The following SPEN variants were observed in gnomAD, a reference collection of about 807,000 sequenced individuals.
SPEN encodes spen family transcriptional repressor, also known as msx2-interacting protein.
Under a neutral mutation model 269.9 loss-of-function variants are expected in SPEN, and 18 were observed. That is an observed-to-expected ratio of 0.07 (90% confidence interval 0.05 to 0.10). SPEN has a LOEUF of 0.10. Ranked by LOEUF, SPEN falls within the 10% of genes least tolerant of loss-of-function variation. The probability of loss-of-function intolerance (pLI) is 1.00; values close to 1 mark genes in which losing one functional copy is unlikely to be tolerated. For synonymous variants in SPEN, 1,726 were observed against 1,765.7 expected (o/e 0.98, Z 0.56); for missense variants, 3,822 against 4,631.2 (o/e 0.83, Z 5.07).
At chr1:15,898,171 C>G (rs894824805) in intron 3 of SPEN, among the ~76,000 whole-genome samples, 3 of 119,232 alleles carry the variant, frequency 2.5e-5, no homozygotes, top group Non-Finnish European at 5.1e-5. Context: ...CTTAATTTAT[C>G]TTTGTGTGTG....
chr1:15,930,423 G>T lies in SPEN; in HGVS notation c.4183G>T (p.Ala1395Ser), dbSNP rs1172280900. The T allele has an allele frequency of 1.2e-6, 2 of 1,614,134 alleles. No homozygotes were observed. The highest frequency in any genetic ancestry group is 4.5e-5 in the East Asian group (2 of 44,884). Residue 1395 changes from alanine (A) to serine (S), a missense_variant, in exon 11 of 15, where the codon GCC becomes TCC. Around this residue, in one of 16 missense-constraint regions of SPEN, gnomAD observed 267 missense variants for 315.5 expected, o/e 0.85. Transcript: ENST00000375759. The surrounding 1 kb of genome is among the most constrained non-coding windows in gnomAD (Gnocchi z 5.3). ...DGEHKSHSPRASALYESSRLS... is the reference protein window; with the variant it reads ...DGEHKSHSPRSSALYESSRLS... ...TGAACACAAATCCCACTCACCCAGA[G>T]CCTCTGCATTATATGAAAGTTCTCG...
intron 3 of SPEN, among the ~76,000 whole-genome samples, chr1:15,891,007 G>C (rs1448373085): frequency 6.6e-6 from 1 of 152,092 alleles, no homozygotes; most frequent in South Asian, 2.1e-4. Context: ...CTGCAGTACT[G>C]GATATCCTAG....
intron 1 of SPEN, among the ~76,000 whole-genome samples, chr1:15,856,021 TTC>T (rs1437486383): frequency 7.2e-6 from 1 of 138,606 alleles, no homozygotes; most frequent in African/African-American, 2.8e-5. Context: ...GAGACGGAGT[TTC>T]TCTCTCTTGC....
At chr1:15,894,580 C>T (rs1216827235) in intron 3 of SPEN, among the ~76,000 whole-genome samples, 2 of 111,560 alleles carry the variant, frequency 1.8e-5, no homozygotes, top group East Asian at 3.0e-4. Flanking sequence ...CTCGCTCTTT[C>T]GCCAGGCTGG....
intron 3 of SPEN, among the ~76,000 whole-genome samples, chr1:15,888,208 A>G (rs1406398696): frequency 6.6e-6 from 1 of 150,416 alleles, no homozygotes; most frequent in African/African-American, 2.4e-5. Flanking sequence ...TCCTGGGTTC[A>G]AGCGATTCTC....
In SPEN at chr1:15,848,130, G is replaced by C; in HGVS notation, c.63G>C (p.Lys21Asn). 6.7e-7 allele frequency: 1 copy of C among 1,498,308 alleles called. No individual in the cohort carries two copies. The highest frequency in any genetic ancestry group is 2.8e-5 in the East Asian group (1 of 36,016). The allele number at this position is 1,498,308 out of a possible 1,614,324, so 92.8% of individuals were successfully genotyped here. A position where few individuals can be genotyped will look rare whatever the true frequency, so the allele number is the denominator to read the frequency against. ...GNLPENVREE[K>N]IIEHFKRYGR... is the part of the protein sequence containing the mutation. ...TACCCGAGAACGTGCGGGAAGAGAA[G>C]ATCATCGAGCATTTCAAACGGTGAG... Residue 21 changes from lysine (K) to asparagine (N), a missense_variant, in exon 1 of 15, where the codon AAG (lysine) becomes AAC (asparagine). Lys to Asn is a moderately conservative substitution (Grantham distance 94). This residue lies in a region of SPEN where 51 missense variants were observed against 56.1 expected (regional missense o/e 0.91). Transcript: ENST00000375759. This position sits in a 1 kb window ranked among gnomAD's most constrained non-coding sequence, Gnocchi z 5.1.
chr1:15,932,399 C>A lies in SPEN; in HGVS notation c.6159C>A (p.Asn2053Lys), dbSNP rs779191752. 69 of 1,613,960 alleles carry A rather than the reference C, an allele frequency of 4.3e-5. No homozygotes were observed. In the South Asian group the frequency reaches 6.4e-4, roughly 15 times the overall value. The change falls in exon 11 of 15, where the codon AAC (asparagine) becomes AAA (lysine). Residue 2053 changes from asparagine (N) to lysine (K), a missense_variant. Asn to Lys is a moderately conservative substitution (Grantham distance 94, BLOSUM62 0). This residue lies in a region of SPEN where 727 missense variants were observed against 737.9 expected (regional missense o/e 0.99). Coordinates refer to ENST00000375759, the MANE Select transcript of SPEN (RefSeq NM_015001.3). This position sits in a 1 kb window ranked among gnomAD's most constrained non-coding sequence, Gnocchi z 4.2. Reference sequence around the variant, plus strand: ...GAAAAGATGCTGGCACAGACAAAAACCCCCCTGAAACCGCCCCTGTTGAAG... The same window carrying A: ...GAAAAGATGCTGGCACAGACAAAAAACCCCCTGAAACCGCCCCTGTTGAAG... ...RDRKDAGTDKNPPETAPVEVV... is the reference protein window; with the variant it reads ...RDRKDAGTDKKPPETAPVEVV...
Position 15,930,146 on chromosome 1 carries a change from C to T in SPEN, c.3906C>T (p.Val1302=), listed in dbSNP as rs766811526. ...TCCTCCCCTATTCTAACATAACAGT[C>T]AGGGAAGAGTCTTTAAAATTTAATC... The part of the protein sequence containing the change: ...EKVLPYSNIT[V]REESLKFNPY... Residue 1302 remains valine, a synonymous_variant, in exon 11 of 15, where the codon GTC becomes GTT. Transcript: ENST00000375759. The surrounding 1 kb of genome is among the most constrained non-coding windows in gnomAD (Gnocchi z 5.3). 1.2e-6 allele frequency: 2 copies of T among 1,614,064 alleles called. No homozygotes were observed. Among genetic ancestry groups the T allele is most frequent in the Non-Finnish European group, 1.7e-6 (2 of 1,180,050 alleles).
chr1:15,932,989 C>G lies in SPEN; in HGVS notation c.6749C>G (p.Pro2250Arg), dbSNP rs1218822066. 2 of 1,614,070 alleles carry G rather than the reference C, an allele frequency of 1.2e-6. No individual in the cohort carries two copies. Among genetic ancestry groups the G allele is most frequent in the Admixed American group, 1.7e-5 (1 of 60,006 alleles). Residue 2250 changes from proline to arginine, a missense_variant, in exon 11 of 15, where the codon CCC becomes CGC. Physicochemically the swap from Pro to Arg is moderately radical, Grantham distance 103. Around this residue, in one of 16 missense-constraint regions of SPEN, gnomAD observed 727 missense variants for 737.9 expected, o/e 0.99. Coordinates refer to ENST00000375759, the MANE Select transcript of SPEN (RefSeq NM_015001.3). This position sits in a 1 kb window ranked among gnomAD's most constrained non-coding sequence, Gnocchi z 4.2. ...PGESQTDLQP[P>R]AGAQALQPSE... is the part of the protein sequence containing the mutation. ...GAATCCCAGACAGATCTGCAACCCC[C>G]CGCAGGTGCACAGGCGCTGCAGCCT...
chr1:15,855,519 A>G (rs2070378048), intron 1 of SPEN, among the ~76,000 whole-genome samples: 1 of 152,156 alleles, frequency 6.6e-6, no homozygotes, highest in African/African-American at 2.4e-5. Context: ...TTACCAATCA[A>G]ATTGGTAGGT....
intron 3 of SPEN, among the ~76,000 whole-genome samples, chr1:15,896,715 T>C (rs2070845206): frequency 6.6e-6 from 1 of 152,170 alleles, no homozygotes; most frequent in Admixed American, 6.5e-5. Flanking sequence ...TTAGGAAGTG[T>C]TATTAGTTGT....
intron 3 of SPEN, among the ~76,000 whole-genome samples, chr1:15,883,940 G>C (rs2070712874): frequency 6.6e-6 from 1 of 151,200 alleles, no homozygotes; most frequent in Non-Finnish European, 1.5e-5. Context: ...CTCCCGAGTA[G>C]CTGGGCCTAC....
intron 10 of SPEN, among the ~76,000 whole-genome samples, chr1:15,925,719 A>G (rs1288369924): frequency 6.6e-6 from 1 of 151,698 alleles, no homozygotes; most frequent in Non-Finnish European, 1.5e-5. Flanking sequence ...CCCAGCTCGT[A>G]TTTTTAGATA....
rs1218793500 is a variant in SPEN, at chr1:15,848,483, C to A, written c.83+333C>A. On this transcript the variant is annotated intron_variant, in intron 1 of 14. Transcript: ENST00000375759. This position sits in a 1 kb window ranked among gnomAD's most constrained non-coding sequence, Gnocchi z 5.1. ...AGCCCGGGAGTCGGTGGGAGATGCG[C>A]TGGGCGGCGGGGTCGCGTCCTTGCG... 6.6e-6 allele frequency among the ~76,000 whole-genome samples: 1 copy of A among 151,918 alleles called. No individual in the cohort carries two copies. Among genetic ancestry groups the A allele is most frequent in the Non-Finnish European group, 1.5e-5 (1 of 67,956 alleles).
At chr1:15,904,874 A>G (rs2148725929) in intron 3 of SPEN, among the ~76,000 whole-genome samples, 2 of 151,384 alleles carry the variant, frequency 1.3e-5, no homozygotes, top group Admixed American at 1.3e-4. Context: ...CCATTGATTG[A>G]TTATCTTTGT....
In SPEN at chr1:15,931,625, T is replaced by A. The variant is rs745835280; in HGVS notation, c.5385T>A (p.Pro1795=). The A allele has an allele frequency of 1.9e-6, 3 of 1,614,166 alleles. No individual in the cohort carries two copies. The East Asian group carries it at 6.7e-5, about 36-fold the overall frequency. ...PDANQKAEAA[P]ESQPPASEDL... ...CAAACCAGAAAGCCGAAGCTGCTCC[T>A]GAGTCTCAGCCCCCAGCTTCTGAAG... is the stretch of plus-strand genomic sequence containing the variant. Residue 1795 remains proline (P), a synonymous_variant, in exon 11 of 15, where the codon CCT becomes CCA. Coordinates refer to ENST00000375759, the MANE Select transcript of SPEN (RefSeq NM_015001.3). The surrounding 1 kb of genome is among the most constrained non-coding windows in gnomAD (Gnocchi z 4.8).
At chr1:15,885,356 A>G (rs1282493536) in intron 3 of SPEN, among the ~76,000 whole-genome samples, 1 of 152,172 alleles carries the variant, frequency 6.6e-6, no homozygotes, top group Non-Finnish European at 1.5e-5. Context: ...TTCTTGCTGA[A>G]AATTAGTGTT....
At chr1:15,860,105 G>C (rs1231018277) in intron 1 of SPEN, among the ~76,000 whole-genome samples, 1 of 151,248 alleles carries the variant, frequency 6.6e-6, no homozygotes, top group African/African-American at 2.4e-5. Flanking sequence ...TAGAGACGGG[G>C]TTTCACTGTG....
intron 3 of SPEN, among the ~76,000 whole-genome samples, chr1:15,895,963 C>T (rs1264396445): frequency 6.6e-6 from 1 of 151,406 alleles, no homozygotes; most frequent in African/African-American, 2.4e-5. Flanking sequence ...GGATTACAGG[C>T]GTGAGCCACC....
Sources: gnomAD v4.1 joint callset for allele counts (sites outside exome capture counted in the v4.1 genomes callset) on GRCh38, gnomAD v4.1.1 for gene constraint, gnomAD v4.1.1 regional missense constraint, Gnocchi (gnomAD v3.1) non-coding constraint, MANE v1.5 for transcripts, NCBI Gene and HGNC (gene_info 2026-07-23, HGNC 2026-07-21) for gene names.